Variants in SGCD observed in about 807,000 individuals in gnomAD.
The protein encoded by SGCD is delta-sarcoglycan.
SGCD carries 18 observed loss-of-function variants against 36.6 expected under a neutral mutation model. The observed-to-expected ratio is 0.49, with a 90% CI of 0.34 to 0.73. SGCD has a LOEUF of 0.73. Ranked by LOEUF, SGCD falls within the 30% of genes least tolerant of loss-of-function variation. The pLI is 0.01. For synonymous variants in SGCD, 133 were observed against 130.6 expected (o/e 1.02, Z -0.12); for missense variants, 387 against 346.7 (o/e 1.12, Z -0.92).
chr5:156,363,571 A>G (rs1385038010), intron 3 of SGCD, among the ~76,000 whole-genome samples: 1 of 152,148 alleles, frequency 6.6e-6, no homozygotes, highest in Non-Finnish European at 1.5e-5. Context: ...TTTTTTAAAT[A>G]TCCTGATTGT....
At chr5:155,855,798 G>C in the SGCD span, among the ~76,000 whole-genome samples, 1 of 152,130 alleles carries the variant, frequency 6.6e-6, no homozygotes, top group Non-Finnish European at 1.5e-5. Flanking sequence ...ATGGAACTGG[G>C]AGTTCAGGGA....
intron 3 of SGCD, among the ~76,000 whole-genome samples, chr5:156,368,424 A>G (rs923229991): frequency 6.6e-6 from 1 of 152,210 alleles, no homozygotes; most frequent in African/African-American, 2.4e-5. Context: ...AATTGTGGTT[A>G]TTATTTTCTA....
intron 1 of SGCD, among the ~76,000 whole-genome samples, chr5:155,989,102 A>G (rs1561674106): frequency 6.6e-6 from 1 of 152,190 alleles, no homozygotes; most frequent in Non-Finnish European, 1.5e-5. Context: ...AATTCTTAGC[A>G]AAAAATCCAT....
At chr5:156,676,134 C>T (rs911663687) in intron 7 of SGCD, among the ~76,000 whole-genome samples, 2 of 152,090 alleles carry the variant, frequency 1.3e-5, no homozygotes, top group African/African-American at 2.4e-5. Flanking sequence ...TTCTTCAATA[C>T]GTTCATACAG....
chr5:156,031,075 C>T (rs900764642), intron 1 of SGCD, among the ~76,000 whole-genome samples: 1 of 152,148 alleles, frequency 6.6e-6, no homozygotes, highest in Non-Finnish European at 1.5e-5. Flanking sequence ...GTGACAGAAG[C>T]TTATGTGCTT....
chr5:156,578,174 T>C (rs1460464588), intron 4 of SGCD, among the ~76,000 whole-genome samples: 1 of 152,200 alleles, frequency 6.6e-6, no homozygotes, highest in Non-Finnish European at 1.5e-5. Context: ...GAGATAATCA[T>C]GTGGTTTTTG....
chr5:156,510,694 A>G (rs1756889640), intron 4 of SGCD, among the ~76,000 whole-genome samples: 1 of 152,136 alleles, frequency 6.6e-6, no homozygotes, highest in Admixed American at 6.6e-5. Flanking sequence ...GCTGTCATTC[A>G]CCAACCCTTC....
At chr5:156,184,691 ACCTC>A (rs1306372316) in intron 3 of SGCD, among the ~76,000 whole-genome samples, 2 of 152,034 alleles carry the variant, frequency 1.3e-5, no homozygotes, top group Non-Finnish European at 2.9e-5. Context: ...CCCTACCACC[ACCTC>A]CTTATTCCCT....
chr5:155,730,130 T>C, the SGCD span, among the ~76,000 whole-genome samples: 1 of 152,102 alleles, frequency 6.6e-6, no homozygotes, highest in Non-Finnish European at 1.5e-5. Context: ...TGGAAGAAAT[T>C]AGAAAACTCT....
intron 3 of SGCD, among the ~76,000 whole-genome samples, chr5:156,394,970 A>C (rs1320512674): frequency 6.6e-6 from 1 of 152,234 alleles, no homozygotes; most frequent in Non-Finnish European, 1.5e-5. Flanking sequence ...TATTGGCTTT[A>C]TCCGTGTATT....
intron 4 of SGCD, among the ~76,000 whole-genome samples, chr5:156,549,052 C>T (rs1016940732): frequency 1.3e-5 from 2 of 151,886 alleles, no homozygotes; most frequent in Non-Finnish European, 2.9e-5. Flanking sequence ...CACCTTATTC[C>T]CTTCCCTACA....
intron 3 of SGCD, among the ~76,000 whole-genome samples, chr5:156,224,915 A>G (rs955757726): frequency 1.3e-5 from 2 of 152,172 alleles, no homozygotes; most frequent in African/African-American, 4.8e-5. Context: ...TCCTCAGTTT[A>G]GAGTTTTAAG....
intron 3 of SGCD, among the ~76,000 whole-genome samples, chr5:156,164,110 AT>A (rs1369402919): frequency 3.3e-5 from 5 of 151,140 alleles, no homozygotes; most frequent in African/African-American, 1.2e-4. Flanking sequence ...AGCTAATACC[AT>A]TTTATAAAAT....
At chr5:156,569,771 C>A (rs1220152553) in intron 4 of SGCD, among the ~76,000 whole-genome samples, 1 of 152,022 alleles carries the variant, frequency 6.6e-6, no homozygotes, top group Admixed American at 6.6e-5. Flanking sequence ...GAGGGAGGCA[C>A]TTCCAGGCAC....
intron 7 of SGCD, among the ~76,000 whole-genome samples, chr5:156,703,062 G>A (rs772750687): frequency 6.6e-5 from 10 of 152,196 alleles, no homozygotes; most frequent in Non-Finnish European, 1.2e-4. Context: ...CCCCACCCAT[G>A]GGATTGGGGC....
the SGCD span, among the ~76,000 whole-genome samples, chr5:155,762,753 A>G: frequency 0.19 from 29,335 of 152,106 alleles, 3,789 homozygotes; most frequent in Admixed American, 0.41. Context: ...GTAGTGTCCT[A>G]TTTCACTTTA....
chr5:156,575,128 A>T (rs1402975684), intron 4 of SGCD, among the ~76,000 whole-genome samples: 3 of 152,208 alleles, frequency 2.0e-5, no homozygotes, highest in African/African-American at 7.2e-5. Flanking sequence ...AGTGGGGTGG[A>T]ACAGTCTTGT....
At chr5:155,937,593 G>A (rs1375636903) in intron 1 of SGCD, among the ~76,000 whole-genome samples, 2 of 152,162 alleles carry the variant, frequency 1.3e-5, no homozygotes, top group African/African-American at 4.8e-5. Flanking sequence ...GATAATATTT[G>A]GGATAGCTGT....
intron 3 of SGCD, among the ~76,000 whole-genome samples, chr5:156,485,897 G>A (rs1039227630): frequency 6.6e-6 from 1 of 152,090 alleles, no homozygotes; most frequent in African/African-American, 2.4e-5. Flanking sequence ...GAGAAAAGGT[G>A]AGAGATCCCC....
Sources: gnomAD v4.1 joint callset for allele counts (sites outside exome capture counted in the v4.1 genomes callset) on GRCh38, gnomAD v4.1.1 for gene constraint, MANE v1.5 for transcripts, NCBI Gene and HGNC (gene_info 2026-07-23, HGNC 2026-07-21) for gene names.